NECAB1: variants seen among roughly 807,000 people sequenced by gnomAD.
NECAB1 encodes the protein N-terminal EF-hand calcium binding protein 1.
In NECAB1, 29 loss-of-function variants were observed where a neutral mutation model predicts 57.5. The ratio of observed to expected loss-of-function variants is 0.50; its 90% confidence interval spans 0.38 to 0.69. NECAB1 has a LOEUF of 0.69. Among genes scored for constraint, NECAB1 ranks in the 30% least tolerant of loss-of-function variants. The pLI, the probability that NECAB1 is intolerant of heterozygous loss-of-function variation, is 0.00. For synonymous variants in NECAB1, 142 were observed against 147.7 expected, an observed-to-expected ratio of 0.96 and a Z score of 0.28; for missense variants, 372 against 413.8, an observed-to-expected ratio of 0.90 and a Z score of 0.88.
intron 5 of NECAB1, among the ~76,000 whole-genome samples, chr8:90,914,005 G>T (rs1490684010): frequency 6.6e-6 from 1 of 152,214 alleles, no homozygotes; most frequent in Non-Finnish European, 1.5e-5. Context: ...GGATGCAGGG[G>T]GAGGCAGGTG....
At chr8:90,795,666 ACT>A (rs756556201) in intron 1 of NECAB1, among the ~76,000 whole-genome samples, 3 of 150,506 alleles carry the variant, frequency 2.0e-5, no homozygotes, top group African/African-American at 4.9e-5. Context: ...CTGTGACTGA[ACT>A]CTGTTATAGC....
intron 3 of NECAB1, among the ~76,000 whole-genome samples, chr8:90,871,890 A>G (rs1808627783): frequency 6.6e-6 from 1 of 152,098 alleles, no homozygotes; most frequent in South Asian, 2.1e-4. Flanking sequence ...TCTTTTCCCC[A>G]TCATGTTGCA....
At chr8:90,814,386 T>C (rs746783722) in intron 2 of NECAB1, among the ~76,000 whole-genome samples, 3 of 152,192 alleles carry the variant, frequency 2.0e-5, no homozygotes, top group Admixed American at 6.5e-5. Context: ...CTCTTTCACC[T>C]CTTTTCATAC....
At chr8:90,886,628 A>G (rs1808999579) in intron 5 of NECAB1, among the ~76,000 whole-genome samples, 1 of 151,970 alleles carries the variant, frequency 6.6e-6, no homozygotes, top group South Asian at 2.1e-4. Flanking sequence ...CAGGTGATCC[A>G]TCCACTTTAG....
At chr8:90,901,334 T>A (rs1467625147) in intron 5 of NECAB1, among the ~76,000 whole-genome samples, 2 of 152,232 alleles carry the variant, frequency 1.3e-5, no homozygotes, top group East Asian at 3.8e-4. Context: ...TTGCTGGTTT[T>A]CAGCTTTGAA....
intron 3 of NECAB1, among the ~76,000 whole-genome samples, chr8:90,839,511 G>A (rs979769385): frequency 6.6e-6 from 1 of 152,160 alleles, no homozygotes. Flanking sequence ...AATTATGACA[G>A]GGAGATATAG....
At chr8:90,916,467 C>T (rs1309861282) in intron 5 of NECAB1, among the ~76,000 whole-genome samples, 1 of 152,184 alleles carries the variant, frequency 6.6e-6, no homozygotes, top group Non-Finnish European at 1.5e-5. Context: ...GCTTCTTCAG[C>T]ATATCAGGAT....
intron 4 of NECAB1, among the ~76,000 whole-genome samples, chr8:90,879,079 T>G (rs927188561): frequency 4.5e-5 from 6 of 132,138 alleles, no homozygotes; most frequent in Non-Finnish European, 7.5e-5. Context: ...TAATATATAT[T>G]ATATATATTA....
chr8:90,803,601 A>C (rs1811797719), intron 2 of NECAB1, among the ~76,000 whole-genome samples: 1 of 152,176 alleles, frequency 6.6e-6, no homozygotes, highest in Non-Finnish European at 1.5e-5. Context: ...GGTCACTTGC[A>C]TTGGCAGACC....
At chr8:90,900,599 G>C (rs1331014076) in intron 5 of NECAB1, among the ~76,000 whole-genome samples, 1 of 152,182 alleles carries the variant, frequency 6.6e-6, no homozygotes. Context: ...GGTAGAATTA[G>C]TTCTTTCCCT....
chr8:90,954,372 A>G (rs1810978877), intron 12 of NECAB1, among the ~76,000 whole-genome samples: 1 of 152,094 alleles, frequency 6.6e-6, no homozygotes, highest in Admixed American at 6.6e-5. Flanking sequence ...CAAGTATAAA[A>G]TCATTCAAAT....
intron 10 of NECAB1, 82 bp from the exon 11 acceptor site, chr8:90,949,725 C>A: frequency 2.9e-6 from 2 of 680,626 alleles, no homozygotes; most frequent in Non-Finnish European, 5.0e-6. Context: ...AAGATTGTTT[C>A]ATACTACATA....
chr8:90,907,667 T>C (rs575187039), intron 5 of NECAB1, among the ~76,000 whole-genome samples: 1 of 152,326 alleles, frequency 6.6e-6, no homozygotes, highest in East Asian at 1.9e-4. Context: ...CCTTGTGGTG[T>C]ATAAAATACC....
chr8:90,910,209 T>C (rs545847657), intron 5 of NECAB1, among the ~76,000 whole-genome samples: 1 of 138,294 alleles, frequency 7.2e-6, no homozygotes, highest in South Asian at 2.3e-4. Flanking sequence ...TTTCTTGAAA[T>C]CTTTTTCTTA....
At chr8:90,817,003 T>C (rs2129687839) in intron 2 of NECAB1, among the ~76,000 whole-genome samples, 1 of 151,826 alleles carries the variant, frequency 6.6e-6, no homozygotes, top group South Asian at 2.1e-4. Context: ...CAGAGTTTTG[T>C]AGTTTTCTGC....
At chr8:90,801,117 T>C (rs964662656) in intron 1 of NECAB1, among the ~76,000 whole-genome samples, 1 of 152,224 alleles carries the variant, frequency 6.6e-6, no homozygotes, top group African/African-American at 2.4e-5. Flanking sequence ...TATTGAGGTA[T>C]GATTGACTTA....
At chr8:90,895,658 T>TA (rs1286752141) in intron 5 of NECAB1, among the ~76,000 whole-genome samples, 8 of 152,242 alleles carry the variant, frequency 5.3e-5, no homozygotes, top group Non-Finnish European at 1.5e-5. Flanking sequence ...GATTATGTAT[T>TA]TGATAAAGAG....
At chr8:90,825,888 A>G (rs1473952009) in intron 3 of NECAB1, among the ~76,000 whole-genome samples, 1 of 151,840 alleles carries the variant, frequency 6.6e-6, no homozygotes, top group African/African-American at 2.4e-5. Flanking sequence ...AGTCCATAGT[A>G]GGTATTGGTG....
chr8:90,804,543 A>G (rs1282840872), intron 2 of NECAB1, among the ~76,000 whole-genome samples: 1 of 152,054 alleles, frequency 6.6e-6, no homozygotes, highest in Non-Finnish European at 1.5e-5. Flanking sequence ...GAAATCGCAA[A>G]TATATGAGGT....
Sources: allele counts gnomAD v4.1 joint callset (sites outside exome capture counted in the v4.1 genomes callset), GRCh38; gene constraint gnomAD v4.1.1; transcripts MANE v1.5; gene names NCBI Gene and HGNC (gene_info 2026-07-23, HGNC 2026-07-21).